The following RPRD2 variants were observed in gnomAD, a reference collection of about 807,000 sequenced individuals.
RPRD2 encodes regulation of nuclear pre-mRNA domain-containing protein 2.
In RPRD2, 12 loss-of-function variants were observed where a neutral mutation model predicts 104.4. That is an observed-to-expected ratio of 0.11 (90% CI 0.07 to 0.19). The LOEUF (loss-of-function observed/expected upper bound fraction) is 0.19, where lower values mean the gene tolerates loss of function less well. Ranked by LOEUF, RPRD2 falls within the 10% of genes least tolerant of loss-of-function variation. The probability of loss-of-function intolerance (pLI) is 1.00; values close to 1 mark genes in which losing one functional copy is unlikely to be tolerated. For synonymous variants in RPRD2, 714 were observed against 684.9 expected (o/e 1.04, Z -0.66); for missense variants, 1,543 against 1,790.1 (o/e 0.86, Z 2.49).
chr1:150,365,794 G>T (rs1453977547), intron 1 of RPRD2, among the ~76,000 whole-genome samples: 16 of 152,064 alleles, frequency 1.1e-4, no homozygotes, highest in Non-Finnish European at 1.8e-4. Flanking sequence ...TTTCATCATT[G>T]TGGCCTGGCT....
intron 1 of RPRD2, among the ~76,000 whole-genome samples, chr1:150,415,826 C>G (rs587670495): frequency 4.1e-4 from 63 of 152,236 alleles, no homozygotes; most frequent in African/African-American, 1.4e-3. Context: ...GTAAATTGAT[C>G]TAGGTGAGTT....
At chr1:150,462,299 G>T (rs371665758) in intron 9 of RPRD2, among the ~76,000 whole-genome samples, 4 of 151,602 alleles carry the variant, frequency 2.6e-5, no homozygotes, top group Non-Finnish European at 5.9e-5. Context: ...GAAAAAATTC[G>T]CCAGCTGTGG....
intron 1 of RPRD2, among the ~76,000 whole-genome samples, chr1:150,385,268 C>T (rs1173632566): frequency 6.6e-6 from 1 of 151,932 alleles, no homozygotes; most frequent in East Asian, 1.9e-4. Context: ...TTGAGATCAG[C>T]TGGGGCAACA....
intron 8 of RPRD2, 107 bp from the exon 9 acceptor site, chr1:150,459,952 GT>G: frequency 1.1e-6 from 1 of 891,116 alleles, no homozygotes; most frequent in Non-Finnish European, 1.7e-6. Flanking sequence ...TTTCTCTAAA[GT>G]AGTGCCTTTT....
intron 5 of RPRD2, among the ~76,000 whole-genome samples, chr1:150,443,943 G>A (rs1298859713): frequency 2.0e-5 from 3 of 152,038 alleles, no homozygotes; most frequent in East Asian, 1.9e-4. Flanking sequence ...GCATGAACCC[G>A]GGAGGCGGAG....
intron 7 of RPRD2, among the ~76,000 whole-genome samples, chr1:150,447,427 T>C (rs11205376): frequency 0.22 from 33,461 of 150,712 alleles, 4,222 homozygotes; most frequent in African/African-American, 0.32. Flanking sequence ...CTCCGCCTCC[T>C]GGGTTCAAGT....
chr1:150,448,276 C>A (rs995526067), intron 7 of RPRD2, among the ~76,000 whole-genome samples: 1 of 152,272 alleles, frequency 6.6e-6, no homozygotes, highest in Middle Eastern at 3.4e-3. Context: ...TCAAGTGATT[C>A]TCCTGCCTCA....
At chr1:150,377,279 A>AC (rs1553879789) in intron 1 of RPRD2, among the ~76,000 whole-genome samples, 2 of 151,118 alleles carry the variant, frequency 1.3e-5, no homozygotes, top group African/African-American at 4.9e-5. Context: ...TTGGGTGCTG[A>AC]AAGAGATGGA....
chr1:150,451,674 C>CAA (rs35644538), intron 7 of RPRD2, among the ~76,000 whole-genome samples: 3 of 106,908 alleles, frequency 2.8e-5, no homozygotes, highest in Non-Finnish European at 3.8e-5. Context: ...GACTCCGTCT[C>CAA]AAAAAAAAAA....
At chr1:150,441,621 T>A in intron 3 of RPRD2, 1 of 324,178 alleles carries the variant, frequency 3.1e-6, no homozygotes, top group East Asian at 5.3e-5. Flanking sequence ...TCATTTTAAT[T>A]TGTTAATTGG....
At chr1:150,457,703 C>A in intron 8 of RPRD2, 133 bp downstream of exon 8, 1 of 790,398 alleles carries the variant, frequency 1.3e-6, no homozygotes, top group Non-Finnish European at 2.1e-6. Flanking sequence ...GCATTATAAT[C>A]TCTAGAGCAG....
At chr1:150,416,894 AAAAG>A (rs1226273383) in intron 1 of RPRD2, among the ~76,000 whole-genome samples, 2 of 151,540 alleles carry the variant, frequency 1.3e-5, no homozygotes, top group Non-Finnish European at 2.9e-5. Flanking sequence ...AAAAAAAACA[AAAAG>A]AAGAAGAAGA....
At chr1:150,369,685 C>CT (rs1660150644) in intron 1 of RPRD2, among the ~76,000 whole-genome samples, 1 of 142,490 alleles carries the variant, frequency 7.0e-6, no homozygotes, top group Non-Finnish European at 1.5e-5. Context: ...TCTGGATCTC[C>CT]TGACCTCATG....
chr1:150,466,095 A>G (rs587688221), intron 10 of RPRD2, among the ~76,000 whole-genome samples: 265 of 151,358 alleles, frequency 1.8e-3, no homozygotes, highest in African/African-American at 6.1e-3. Flanking sequence ...ATTAAAAATT[A>G]GCGCCGGGCG....
chr1:150,420,290 TTG>T (rs1664673682), intron 2 of RPRD2, among the ~76,000 whole-genome samples: 1 of 152,190 alleles, frequency 6.6e-6, no homozygotes, highest in South Asian at 2.1e-4. Context: ...AACAACTACT[TTG>T]TGTGTTACTA....
chr1:150,452,486 A>G (rs1410152957), intron 7 of RPRD2, among the ~76,000 whole-genome samples: 2 of 152,166 alleles, frequency 1.3e-5, no homozygotes, highest in East Asian at 1.9e-4. Context: ...TTTTGAAACT[A>G]TGTAAATATC....
chr1:150,430,642 C>T (rs1407159900), intron 2 of RPRD2, among the ~76,000 whole-genome samples: 2 of 152,260 alleles, frequency 1.3e-5, no homozygotes, highest in East Asian at 3.9e-4. Flanking sequence ...GAAGATAACA[C>T]TGTCTGGCTG....
At chr1:150,371,469 T>C (rs1418595205) in intron 1 of RPRD2, among the ~76,000 whole-genome samples, 1 of 152,112 alleles carries the variant, frequency 6.6e-6, no homozygotes, top group African/African-American at 2.4e-5. Context: ...GTTCACTCCA[T>C]TCTCCTGCCT....
intron 8 of RPRD2, 106 bp downstream of exon 8, chr1:150,457,676 G>C (rs1451240204): frequency 1.1e-6 from 1 of 941,860 alleles, no homozygotes; most frequent in South Asian, 1.5e-5. Flanking sequence ...TTTCTTAAAA[G>C]ATAGAACACC....
Sources: allele counts gnomAD v4.1 joint callset (sites outside exome capture counted in the v4.1 genomes callset), GRCh38; gene constraint gnomAD v4.1.1; transcripts MANE v1.5; gene names NCBI Gene and HGNC (gene_info 2026-07-23, HGNC 2026-07-21).